Variants in SART3 observed in about 807,000 individuals in gnomAD.
The protein encoded by SART3 is spliceosome associated factor 3, U4/U6 recycling protein.
Under a neutral mutation model 122.3 loss-of-function variants are expected in SART3, and 44 were observed. The observed-to-expected ratio is 0.36, with a 90% CI of 0.28 to 0.46. The LOEUF is 0.46. SART3 is among the 20% of genes least tolerant of loss of function. The pLI, the probability that SART3 is intolerant of heterozygous loss-of-function variation, is 1.00. For synonymous variants in SART3, 442 were observed against 454.0 expected, an observed-to-expected ratio of 0.97 and a Z score of 0.34; for missense variants, 1,101 against 1,229.0, an observed-to-expected ratio of 0.90 and a Z score of 1.56.
intron 1 of SART3, among the ~76,000 whole-genome samples, chr12:108,555,625 A>G (rs529550032): frequency 6.6e-6 from 1 of 152,370 alleles, no homozygotes; most frequent in East Asian, 1.9e-4. Flanking sequence ...AGATCATGCC[A>G]CTGTACTCCA....
chr12:108,552,948 T>C (rs2030069822), intron 1 of SART3, among the ~76,000 whole-genome samples: 1 of 152,056 alleles, frequency 6.6e-6, no homozygotes, highest in East Asian at 1.9e-4. Flanking sequence ...AAACCTACAA[T>C]ACAGCTACAA....
chr12:108,526,597 T>A, intron 15 of SART3, 44 bp from the exon 16 acceptor site: 1 of 1,597,106 alleles, frequency 6.3e-7, no homozygotes, highest in Non-Finnish European at 8.5e-7. Context: ...AACTGTTACT[T>A]CTCTTCAGGG....
In SART3 at chr12:108,560,918, G is replaced by A. The variant is rs374309319; in HGVS notation, c.237C>T (p.Ser79=). 51 of 1,613,802 alleles carry A rather than the reference G, an allele frequency of 3.2e-5. No individual in the cohort carries two copies. Among genetic ancestry groups the A allele is most frequent in the Non-Finnish European group, 5.9e-6 (7 of 1,179,934 alleles). ...CATATTCCCACTCGTACTCCCCGGG[G>A]GAGCTCTCCGCGGAGGAAGCCATGG... ...EYAMASSAES[S]PGEYEWEYDE... is the part of the protein sequence containing the mutation. The change falls in exon 1 of 19, where the codon TCC becomes TCT. Residue 79 remains serine, a synonymous_variant. Coordinates refer to ENST00000546815, the MANE Select transcript of SART3 (RefSeq NM_014706.4).
chr12:108,537,960 C>A, intron 8 of SART3, 105 bp downstream of exon 8: 1 of 1,481,080 alleles, frequency 6.8e-7, no homozygotes, highest in Admixed American at 1.7e-5. Flanking sequence ...CACTCCATAA[C>A]CCAAAGAAAA....
intron 9 of SART3, chr12:108,537,016 G>T: frequency 1.8e-6 from 1 of 542,796 alleles, no homozygotes; most frequent in South Asian, 2.0e-5. Context: ...GGTGCTGTGG[G>T]GGGGAGTCTC....
At chr12:108,528,445 T>C (rs998656149) in intron 15 of SART3, among the ~76,000 whole-genome samples, 10 of 142,414 alleles carry the variant, frequency 7.0e-5, no homozygotes, top group Admixed American at 2.2e-4. Context: ...ATCACGCAAC[T>C]GCACTCCAGC....
intron 1 of SART3, chr12:108,560,509 G>A: frequency 2.5e-6 from 1 of 401,510 alleles, no homozygotes; most frequent in Non-Finnish European, 4.4e-6. Flanking sequence ...AAGAGTGGGA[G>A]TTCTGGAATG....
At chr12:108,534,449 C>T (rs1016401016) in intron 12 of SART3, among the ~76,000 whole-genome samples, 10 of 151,182 alleles carry the variant, frequency 6.6e-5, no homozygotes, top group Non-Finnish European at 1.5e-4. Flanking sequence ...TTTGGGAGGC[C>T]GAGGTAGGAG....
At chr12:108,549,372 GAA>G (rs2029896762) in intron 1 of SART3, 158 bp from the exon 2 acceptor site, 7 of 703,384 alleles carry the variant, frequency 1.0e-5, no homozygotes, top group Non-Finnish European at 1.7e-5. Flanking sequence ...CCCACAGGTA[GAA>G]GACAAAACAA....
intron 3 of SART3, among the ~76,000 whole-genome samples, chr12:108,546,304 A>G (rs1873415372): frequency 6.6e-6 from 1 of 152,084 alleles, no homozygotes. Flanking sequence ...GGTTCAAGCA[A>G]TTCTCCTGCC....
At chr12:108,555,528 G>A (rs2030182931) in intron 1 of SART3, among the ~76,000 whole-genome samples, 1 of 152,170 alleles carries the variant, frequency 6.6e-6, no homozygotes, top group Admixed American at 6.6e-5. Context: ...AGCTGAGTCT[G>A]GTGGCACATG....
chr12:108,539,849 C>A (rs1321007372), intron 6 of SART3, among the ~76,000 whole-genome samples: 1 of 151,922 alleles, frequency 6.6e-6, no homozygotes, highest in Non-Finnish European at 1.5e-5. Context: ...CCCAGACACA[C>A]TGTACCATTC....
intron 1 of SART3, among the ~76,000 whole-genome samples, chr12:108,550,400 C>T (rs2029958033): frequency 6.6e-6 from 1 of 152,144 alleles, no homozygotes; most frequent in Non-Finnish European, 1.5e-5. Flanking sequence ...TGATACCCAA[C>T]ACAGTATTAT....
At chr12:108,534,332 C>G (rs1418970268) in intron 12 of SART3, among the ~76,000 whole-genome samples, 2 of 151,924 alleles carry the variant, frequency 1.3e-5, no homozygotes, top group African/African-American at 4.8e-5. Flanking sequence ...AACTGCAGAT[C>G]TAGGGGGATA....
Position 108,543,151 on chromosome 12 carries a change from A to G in SART3, c.783T>C (p.Asp261=). Residue 261 remains aspartate, a splice_region_variant and synonymous_variant, in exon 6 of 19, where the codon GAT becomes GAC. Transcript: ENST00000546815. The part of the protein sequence containing the change: ...FRRQLAIPLY[D]MEATFAEYEE... ...CATACTCTGCAAATGTGGCCTCCAT[A>G]TCTATTGAAAGATGGATTCAGCCCC... is the stretch of plus-strand genomic sequence containing the variant. 1 of 1,614,116 alleles carries G rather than the reference A, an allele frequency of 6.2e-7. No homozygotes were observed. The highest frequency in any genetic ancestry group is 8.5e-7 in the Non-Finnish European group (1 of 1,179,976).
chr12:108,537,324 C>CT (rs1208095504), intron 9 of SART3, 164 bp downstream of exon 9: 11 of 645,322 alleles, frequency 1.7e-5, no homozygotes, highest in Middle Eastern at 8.3e-4. Flanking sequence ...CACATCATGA[C>CT]TTGTTAAAGA....
chr12:108,528,461 C>T (rs1358662904), intron 15 of SART3, among the ~76,000 whole-genome samples: 8 of 136,790 alleles, frequency 5.8e-5, no homozygotes, highest in East Asian at 2.1e-4. Flanking sequence ...CCAGCCTGGG[C>T]GACAGAGCGA....
chr12:108,541,557 C>T (rs992245362), intron 6 of SART3, among the ~76,000 whole-genome samples: 3 of 151,526 alleles, frequency 2.0e-5, no homozygotes, highest in Admixed American at 2.0e-4. Context: ...TTTTTTGAGA[C>T]GGAGTCTCAC....
chr12:108,526,596 T>C, intron 15 of SART3, 43 bp from the exon 16 acceptor site: 2 of 1,598,408 alleles, frequency 1.3e-6, no homozygotes, highest in Non-Finnish European at 1.7e-6. Flanking sequence ...TAACTGTTAC[T>C]TCTCTTCAGG....
Sources: allele counts gnomAD v4.1 joint callset (sites outside exome capture counted in the v4.1 genomes callset), GRCh38; gene constraint gnomAD v4.1.1; transcripts MANE v1.5; gene names NCBI Gene and HGNC (gene_info 2026-07-23, HGNC 2026-07-21).